The following PHC1 variants were observed in gnomAD, a reference collection of about 807,000 sequenced individuals.
PHC1 encodes the protein polyhomeotic homolog 1, also known as polyhomeotic-like protein 1.
In PHC1, 12 loss-of-function variants were observed where a neutral mutation model predicts 104.3. That is an observed-to-expected ratio of 0.12 (90% CI 0.07 to 0.19). PHC1 has a LOEUF of 0.19. PHC1 is among the 10% of genes least tolerant of loss of function. PHC1 has a pLI of 1.00. For synonymous variants in PHC1, 302 were observed against 455.8 expected, an observed-to-expected ratio of 0.66 and a Z score of 4.30; for missense variants, 671 against 1,200.0, an observed-to-expected ratio of 0.56 and a Z score of 6.51.
intron 6 of PHC1, among the ~76,000 whole-genome samples, chr12:8,926,750 C>G (rs1945522791): frequency 6.6e-6 from 1 of 151,532 alleles, no homozygotes; most frequent in Non-Finnish European, 1.5e-5. Flanking sequence ...CCCGTCTCTA[C>G]TAAAAATAAC....
At chr12:8,928,167 C>G (rs1945582864) in intron 6 of PHC1, among the ~76,000 whole-genome samples, 1 of 152,026 alleles carries the variant, frequency 6.6e-6, no homozygotes, top group Non-Finnish European at 1.5e-5. Flanking sequence ...CTTGGTCTCC[C>G]AAAGTGCTAG....
intron 11 of PHC1, among the ~76,000 whole-genome samples, chr12:8,936,570 T>C (rs1945844114): frequency 6.6e-6 from 1 of 152,184 alleles, no homozygotes; most frequent in Admixed American, 6.5e-5. Context: ...TCCTCAGAAA[T>C]TGAATCATAT....
intron 7 of PHC1, among the ~76,000 whole-genome samples, chr12:8,931,853 A>G (rs913313717): frequency 2.0e-5 from 3 of 152,222 alleles, no homozygotes; most frequent in African/African-American, 7.2e-5. Context: ...AGTTATTACT[A>G]TACTTGGTAT....
intron 6 of PHC1, 113 bp from the exon 7 acceptor site, chr12:8,930,322 G>A (rs1592202834): frequency 2.7e-6 from 4 of 1,454,700 alleles, no homozygotes; most frequent in African/African-American, 1.4e-5. Flanking sequence ...GCAGAGATAC[G>A]AGCTGAGGTA....
chr12:8,935,095 A>G (rs1443160244), intron 10 of PHC1, 29 bp from the exon 11 acceptor site: 54 of 1,188,024 alleles, frequency 4.5e-5, no homozygotes, highest in Non-Finnish European at 5.8e-5. Context: ...GGATCAGGCT[A>G]ACTTAACTCT....
At chr12:8,936,557 C>T (rs754309098) in intron 11 of PHC1, among the ~76,000 whole-genome samples, 1 of 152,262 alleles carries the variant, frequency 6.6e-6, no homozygotes. Flanking sequence ...AGTAGTTCCT[C>T]TCTCCTCAGA....
chr12:8,937,233 T>G lies in PHC1; in HGVS notation c.2535T>G (p.Phe845Leu). 1 of 1,613,618 alleles carries G rather than the reference T, an allele frequency of 6.2e-7. No homozygotes were observed. The highest frequency in any genetic ancestry group is 8.5e-7 in the Non-Finnish European group (1 of 1,179,724). The change falls in exon 13 of 15, where the codon TTT (phenylalanine) becomes TTG (leucine). Residue 845 changes from phenylalanine to leucine, a missense_variant. Phe to Leu is a conservative substitution (Grantham distance 22, BLOSUM62 0). This residue lies in a region of PHC1 where 192 missense variants were observed against 280.5 expected (regional missense o/e 0.68). Coordinates refer to ENST00000544916, the MANE Select transcript of PHC1 (RefSeq NM_004426.3). ...FRLKRKKMKEFQEANYARVRR... is the reference protein window; with the variant it reads ...FRLKRKKMKELQEANYARVRR... ...TGAAGAGGAAAAAAATGAAAGAGTT[T>G]CAAGAAGCCAACTATGCTCGCGTTC...
intron 7 of PHC1, 115 bp downstream of exon 7, chr12:8,931,042 C>A (rs1409503338): frequency 6.6e-6 from 7 of 1,061,456 alleles, no homozygotes; most frequent in Non-Finnish European, 9.3e-6. Context: ...TTCTGTTGGT[C>A]CTTGAATAGT....
chr12:8,914,459 G>GA (rs1367005320), upstream of PHC1: 2 of 145,116 alleles, frequency 1.4e-5, no homozygotes, highest in Admixed American at 6.8e-5. Flanking sequence ...AGGGACGGCG[G>GA]GGGGGGGGTC....
chr12:8,922,633 C>T lies in PHC1; in HGVS notation c.457C>T (p.Pro153Ser), dbSNP rs1186716157. 3.2e-6 allele frequency: 5 copies of T among 1,566,032 alleles called. No individual in the cohort carries two copies. The South Asian group carries it at 4.7e-5, about 15-fold the overall frequency. Residue 153 changes from proline to serine, a missense_variant and splice_region_variant, in exon 6 of 15, where the codon CCA becomes TCA. Pro to Ser is a moderately conservative substitution (Grantham distance 74). Transcript: ENST00000544916. Reference sequence around the variant, plus strand: ...CTCTTCCTCTTCCTCTCCTTGCCAGCCACAGCTGGGAAACCTATTGCAGGT... The same window carrying T: ...CTCTTCCTCTTCCTCTCCTTGCCAGTCACAGCTGGGAAACCTATTGCAGGT... ...NQSQAQMYLR[P>S]QLGNLLQVNR...
intron 1 of PHC1, chr12:8,915,396 C>G (rs1409988440): frequency 2.0e-5 from 3 of 152,188 alleles, no homozygotes; most frequent in African/African-American, 7.3e-5. Flanking sequence ...CTGAACCACC[C>G]CCTTCTCCCG....
chr12:8,922,575 C>A, intron 5 of PHC1, 58 bp from the exon 6 acceptor site: 1 of 1,450,394 alleles, frequency 6.9e-7, no homozygotes, highest in South Asian at 1.3e-5. Flanking sequence ...CTTTCCATCT[C>A]TTCTGTCTCT....
chr12:8,936,979 C>A lies in PHC1; in HGVS notation c.2477+15C>A. ...TGCGCTAAGAGGTACTCTGGGCACC[C>A]TCCTCCTTGCCCTCAGCACTGGTAT... On this transcript the variant is annotated intron_variant, in intron 12 of 14. Transcript: ENST00000544916. The A allele has an allele frequency of 6.4e-7, 1 of 1,558,158 alleles. No individual in the cohort carries two copies. Among genetic ancestry groups the A allele is most frequent in the Non-Finnish European group, 8.9e-7 (1 of 1,129,762 alleles).
Position 8,935,116 on chromosome 12 carries a change from T to A in PHC1, c.2254-8T>A. The A allele has an allele frequency of 6.7e-7, 1 of 1,493,540 alleles. No individual in the cohort carries two copies. Among genetic ancestry groups the A allele is most frequent in the Non-Finnish European group, 9.2e-7 (1 of 1,085,148 alleles). The allele number at this position is 1,493,540 out of a possible 1,614,324, so 92.5% of individuals were successfully genotyped here. ...GGCTAACTTAACTCTCAATGTTTTC[T>A]GGGACAGGTGGGTTGTTCTCAGTTA... On this transcript the variant is annotated splice_region_variant and splice_polypyrimidine_tract_variant and intron_variant, in intron 10 of 14. Transcript: ENST00000544916.
In PHC1 at chr12:8,917,651, C is replaced by A; in HGVS notation, c.-27C>A. 4.9e-6 allele frequency: 6 copies of A among 1,214,042 alleles called. No homozygotes were observed. Among genetic ancestry groups the A allele is most frequent in the Non-Finnish European group, 6.9e-6 (6 of 874,020 alleles). 75.2% of individuals were successfully genotyped at this position (1,214,042 alleles called of 1,614,324 possible). On this transcript the variant is annotated 5_prime_UTR_variant, in exon 2 of 15. Coordinates refer to ENST00000544916, the MANE Select transcript of PHC1 (RefSeq NM_004426.3). ...CTAGGTCTTGAGTCAGACAGAGCAC[C>A]AGCCTTGGGGACCCTGGACCACTAT... is the stretch of plus-strand genomic sequence containing the variant.
In PHC1 at chr12:8,934,303, C is replaced by T. The variant is rs146095202; in HGVS notation, c.2078C>T (p.Thr693Ile). 6.2e-6 allele frequency: 10 copies of T among 1,614,100 alleles called. No individual in the cohort carries two copies. Among genetic ancestry groups the T allele is most frequent in the Middle Eastern group, 1.6e-4 (1 of 6,062 alleles). ...AESVANVNANTPSSELVALTP... is the reference protein window; with the variant it reads ...AESVANVNANIPSSELVALTP... The stretch of plus-strand genomic sequence containing the variant: ...TCAGTGGCTAATGTGAATGCTAATA[C>T]TCCAAGCAGTGAACTAGTAGCCTTG... The change falls in exon 10 of 15, where the codon ACT becomes ATT. Residue 693 changes from threonine to isoleucine, a missense_variant. Thr to Ile is a moderately conservative substitution (Grantham distance 89). Coordinates refer to ENST00000544916, the MANE Select transcript of PHC1 (RefSeq NM_004426.3).
chr12:8,921,790 A>G (rs764438009), intron 5 of PHC1, 40 bp downstream of exon 5: 7 of 1,531,096 alleles, frequency 4.6e-6, no homozygotes, highest in South Asian at 2.5e-5. Context: ...CAGAGGCATA[A>G]TTGTCTGGCC....
intron 1 of PHC1, chr12:8,915,736 G>T (rs1945182924): frequency 1.3e-5 from 2 of 152,184 alleles, no homozygotes; most frequent in South Asian, 4.1e-4. Context: ...GATCACAAAT[G>T]AATACATTTA....
At chr12:8,933,800 A>C in intron 8 of PHC1, 65 bp from the exon 9 acceptor site, 1 of 1,381,996 alleles carries the variant, frequency 7.2e-7, no homozygotes, top group Non-Finnish European at 1.0e-6. Flanking sequence ...ATATGGTAAT[A>C]ATTGTGGTTC....
Sources: gnomAD v4.1 joint callset for allele counts (sites outside exome capture counted in the v4.1 genomes callset) on GRCh38, gnomAD v4.1.1 for gene constraint, gnomAD v4.1.1 regional missense constraint, MANE v1.5 for transcripts, NCBI Gene and HGNC (gene_info 2026-07-23, HGNC 2026-07-21) for gene names.